Variants in MGME1 observed in about 807,000 individuals in gnomAD.
The protein encoded by MGME1 is mitochondrial genome maintenance exonuclease 1.
MGME1 carries 22 observed loss-of-function variants against 33.0 expected under a neutral mutation model. That is an observed-to-expected ratio of 0.67 (90% CI 0.48 to 0.95). The LOEUF is 0.95. Among genes scored for constraint, MGME1 ranks in the 40% least tolerant of loss-of-function variants. The pLI is 0.00. For missense variants in MGME1, 383 were observed against 397.8 expected (o/e 0.96, Z 0.32); for synonymous variants, 133 against 144.0 (o/e 0.92, Z 0.55).
intron 4 of MGME1, among the ~76,000 whole-genome samples, chr20:17,989,645 G>A (rs2122636668): frequency 6.6e-6 from 1 of 151,776 alleles, no homozygotes; most frequent in Admixed American, 6.6e-5. Flanking sequence ...CCTGGACGAT[G>A]GGAGTGGGAT....
At chr20:17,987,212 A>G (rs1437841284) in intron 3 of MGME1, among the ~76,000 whole-genome samples, 1 of 151,812 alleles carries the variant, frequency 6.6e-6, no homozygotes, top group African/African-American at 2.4e-5. Context: ...ATGGCATCCT[A>G]GAGTTACTGG....
Position 17,970,051 on chromosome 20 carries a change from C to T in MGME1, c.192C>T (p.Gly64=). ...NLVQSVLSSR[G]VAQTPGSVEE... is the part of the protein sequence containing the mutation. ...TTCAGTCTGTCTTGTCATCCAGAGGCGTCGCCCAGACCCCGGGATCGGTGG... is the reference window on the plus strand; with the variant it reads ...TTCAGTCTGTCTTGTCATCCAGAGGTGTCGCCCAGACCCCGGGATCGGTGG... Residue 64 remains glycine (G), a synonymous_variant, in exon 2 of 5, where the codon GGC becomes GGT. Coordinates refer to ENST00000377710, the MANE Select transcript of MGME1 (RefSeq NM_052865.4). The T allele has an allele frequency of 1.2e-6, 2 of 1,614,162 alleles. No homozygotes were observed. Among genetic ancestry groups the T allele is most frequent in the Non-Finnish European group, 1.7e-6 (2 of 1,180,018 alleles).
chr20:17,981,199 A>G (rs568991870), intron 3 of MGME1, among the ~76,000 whole-genome samples: 1 of 152,298 alleles, frequency 6.6e-6, no homozygotes, highest in South Asian at 2.1e-4. Context: ...ATACACATGC[A>G]TAGGCAGCAC....
At chr20:17,970,478 G>T (rs960325929) in intron 2 of MGME1, 108 bp downstream of exon 2, 51 of 1,108,518 alleles carry the variant, frequency 4.6e-5, no homozygotes, top group Non-Finnish European at 6.0e-5. Context: ...TACTAGCAAG[G>T]AACTCCCTTC....
upstream of MGME1, chr20:17,968,832 C>A: frequency 4.9e-6 from 1 of 202,198 alleles, no homozygotes; most frequent in Non-Finnish European, 1.0e-5. Context: ...TTACTCAGCC[C>A]GAGTCCAAGA....
In MGME1 at chr20:17,990,210, G is replaced by A. The variant is rs777000981; in HGVS notation, c.*101G>A. 1.0e-6 allele frequency: 1 copy of A among 974,578 alleles called. No individual in the cohort carries two copies. The highest frequency in any genetic ancestry group is 1.4e-5 in the South Asian group (1 of 73,876). The allele number at this position is 974,578 out of a possible 1,614,324, so 60.4% of individuals were successfully genotyped here. A position where few individuals can be genotyped will look rare whatever the true frequency, so the allele number is the denominator to read the frequency against. Reference sequence around the variant, plus strand: ...AAAAATGAGGTGCCACTGGATCTGAGTGCTACACGAACACAAGTAGAAGTA... The same window carrying A: ...AAAAATGAGGTGCCACTGGATCTGAATGCTACACGAACACAAGTAGAAGTA... On this transcript the variant is annotated 3_prime_UTR_variant, in exon 5 of 5. Transcript: ENST00000377710.
intron 2 of MGME1, among the ~76,000 whole-genome samples, chr20:17,975,171 C>T (rs2035826842): frequency 1.3e-5 from 2 of 152,100 alleles, no homozygotes; most frequent in South Asian, 2.1e-4. Context: ...TATTACCTAA[C>T]GTCCTATTAA....
intron 2 of MGME1, chr20:17,972,852 T>G: frequency 5.9e-6 from 5 of 847,736 alleles, no homozygotes; most frequent in Non-Finnish European, 7.1e-6. Context: ...ATTAACCTAG[T>G]GTGTAGATGA....
In MGME1 at chr20:17,983,211, C is replaced by T. The variant is rs376668201; in HGVS notation, c.732-4955C>T. On this transcript the variant is annotated intron_variant, in intron 3 of 4. Transcript: ENST00000377710. Reference sequence around the variant, plus strand: ...CACTCAGCAAAATGTTCACCATGTTCACCCATGTCACAAATGACAGAATTT... The same window carrying T: ...CACTCAGCAAAATGTTCACCATGTTTACCCATGTCACAAATGACAGAATTT... Among the ~76,000 whole-genome samples, 6 of 151,468 alleles carry T rather than the reference C, an allele frequency of 4.0e-5. No individual in the cohort carries two copies. The East Asian group carries it at 9.7e-4, about 24-fold the overall frequency.
intron 3 of MGME1, among the ~76,000 whole-genome samples, chr20:17,985,925 A>G (rs2036143259): frequency 6.6e-6 from 1 of 152,198 alleles, no homozygotes; most frequent in African/African-American, 2.4e-5. Flanking sequence ...TAAGCTACAC[A>G]TGACTGTACT....
intron 1 of MGME1, among the ~76,000 whole-genome samples, 193 bp downstream of exon 1, chr20:17,969,334 C>T (rs2035647377): frequency 6.6e-6 from 1 of 152,232 alleles, no homozygotes; most frequent in Non-Finnish European, 1.5e-5. Context: ...AGCGACGGGA[C>T]CCTCCAACCC....
At chr20:17,978,101 T>G (rs1194670437) in intron 3 of MGME1, among the ~76,000 whole-genome samples, 7 of 152,246 alleles carry the variant, frequency 4.6e-5, no homozygotes, top group Admixed American at 4.6e-4. Flanking sequence ...GTTCATCAGC[T>G]ATTGTGTGGC....
At chr20:17,986,420 C>T (rs992934236) in intron 3 of MGME1, among the ~76,000 whole-genome samples, 48 of 151,316 alleles carry the variant, frequency 3.2e-4, no homozygotes, top group Middle Eastern at 3.4e-3. Flanking sequence ...TTGTTACCCA[C>T]GCTGTTGTGC....
At chr20:17,968,770 C>A (rs151018697), upstream of MGME1, 12 of 333,752 alleles carry the variant, frequency 3.6e-5, no homozygotes. Context: ...CGGACACTCT[C>A]CCAGCAAGAC....
At chr20:17,984,636 C>T (rs970586204) in intron 3 of MGME1, among the ~76,000 whole-genome samples, 1 of 151,934 alleles carries the variant, frequency 6.6e-6, no homozygotes. Context: ...TGATTCTGAC[C>T]CTGTGTAGGC....
intron 3 of MGME1, among the ~76,000 whole-genome samples, chr20:17,986,279 G>A (rs892755274): frequency 2.0e-5 from 3 of 152,118 alleles, no homozygotes; most frequent in Admixed American, 2.0e-4. Context: ...ATGTTGGCCA[G>A]GCTGGTCTGG....
chr20:17,970,409 TTTCTA>T (rs779514567), intron 2 of MGME1, 39 bp downstream of exon 2: 2 of 1,557,110 alleles, frequency 1.3e-6, no homozygotes, highest in Non-Finnish European at 1.7e-6. Flanking sequence ...TTTGCTATGT[TTTCTA>T]TAATAGAGAG....
intron 3 of MGME1, among the ~76,000 whole-genome samples, chr20:17,987,448 TAAA>T: frequency 6.6e-6 from 1 of 151,786 alleles, no homozygotes; most frequent in Non-Finnish European, 1.5e-5. Context: ...ATCCCTATAA[TAAA>T]AAAAAGACGT....
chr20:17,980,915 G>A (rs1427771313), intron 3 of MGME1, among the ~76,000 whole-genome samples: 1 of 139,960 alleles, frequency 7.1e-6, no homozygotes, highest in Non-Finnish European at 1.6e-5. Context: ...TGGTGCATTT[G>A]CTTAAAACTT....
Sources: allele counts gnomAD v4.1 joint callset (sites outside exome capture counted in the v4.1 genomes callset), GRCh38; gene constraint gnomAD v4.1.1; transcripts MANE v1.5; gene names NCBI Gene and HGNC (gene_info 2026-07-23, HGNC 2026-07-21).